Variants in ARHGAP28 observed in about 807,000 individuals in gnomAD.
ARHGAP28 encodes rho GTPase-activating protein 28.
A neutral mutation model predicts 90.7 loss-of-function variants in ARHGAP28; 56 were observed. That is an observed-to-expected ratio of 0.62 (90% confidence interval 0.50 to 0.77). The LOEUF is 0.77. ARHGAP28 is among the 30% of genes least tolerant of loss of function. The probability of loss-of-function intolerance (pLI) is 0.00; values close to 1 mark genes in which losing one functional copy is unlikely to be tolerated. For synonymous variants in ARHGAP28, 308 were observed against 323.3 expected (o/e 0.95, Z 0.51); for missense variants, 869 against 900.9 (o/e 0.96, Z 0.45).
At chr18:6,789,836 T>G (rs923049634) in intron 1 of ARHGAP28, 2 of 89,234 alleles carry the variant, frequency 2.2e-5, no homozygotes, top group African/African-American at 1.4e-4. Flanking sequence ...TGTTTTTTTG[T>G]TTTTTTTTTG....
chr18:6,909,385 CG>C (rs1367806869), intron 17 of ARHGAP28, among the ~76,000 whole-genome samples: 1 of 151,220 alleles, frequency 6.6e-6, no homozygotes, highest in African/African-American at 2.4e-5. Context: ...CTCCGCCTCC[CG>C]GGTTCAAGTG....
intron 1 of ARHGAP28, among the ~76,000 whole-genome samples, chr18:6,772,187 G>A (rs1238667600): frequency 5.9e-5 from 9 of 152,142 alleles, no homozygotes. Flanking sequence ...TTGTTTCAGT[G>A]AATTAATTCA....
chr18:6,903,760 C>T (rs1360012591), intron 16 of ARHGAP28, among the ~76,000 whole-genome samples: 1 of 129,694 alleles, frequency 7.7e-6, no homozygotes, highest in Non-Finnish European at 1.6e-5. Flanking sequence ...ACCCGGGAGG[C>T]GGAGGTTGCA....
rs2057076339 is a variant in ARHGAP28, at chr18:6,870,640, T to C, written c.862T>C (p.Phe288Leu). Residue 288 changes from phenylalanine to leucine, a missense_variant, in exon 7 of 18, where the codon TTT becomes CTT. Phe to Leu is a conservative substitution (Grantham distance 22). Transcript: ENST00000383472. Reference protein sequence around the residue: ...NIPPEAEELSFEVSYSEMVTE... With the variant: ...NIPPEAEELSLEVSYSEMVTE... ...TCCACCAGAGGCTGAAGAGCTGTCATTTGAAGTGTCTTATTCAGAAATGGT... is the reference window on the plus strand; with the variant it reads ...TCCACCAGAGGCTGAAGAGCTGTCACTTGAAGTGTCTTATTCAGAAATGGT... 9 of 1,612,972 alleles carry C rather than the reference T, an allele frequency of 5.6e-6. No individual in the cohort carries two copies. Among genetic ancestry groups the C allele is most frequent in the Non-Finnish European group, 7.6e-6 (9 of 1,179,302 alleles).
intron 1 of ARHGAP28, among the ~76,000 whole-genome samples, chr18:6,766,456 A>T (rs901004012): frequency 2.0e-5 from 3 of 152,180 alleles, no homozygotes; most frequent in Non-Finnish European, 4.4e-5. Context: ...CCACAGCCTC[A>T]GTTGCCACAC....
intron 17 of ARHGAP28, among the ~76,000 whole-genome samples, chr18:6,910,152 A>G (rs1351201008): frequency 2.6e-5 from 4 of 152,100 alleles, no homozygotes; most frequent in Non-Finnish European, 5.9e-5. Flanking sequence ...TGTTTTTAGA[A>G]CTGCCTGAGT....
intron 14 of ARHGAP28, among the ~76,000 whole-genome samples, chr18:6,893,894 T>C (rs1250385724): frequency 7.6e-6 from 1 of 131,864 alleles, no homozygotes; most frequent in Admixed American, 8.5e-5. Context: ...TGAGATAGAG[T>C]CTTGCTCTGT....
In ARHGAP28 at chr18:6,853,407, C is replaced by T. The variant is rs553710316; in HGVS notation, c.636+2281C>T. On this transcript the variant is annotated intron_variant, in intron 4 of 17. Coordinates refer to ENST00000383472, the MANE Select transcript of ARHGAP28 (RefSeq NM_001366230.1). ...TTCATCTGCATGATAAAACCTAGGT[C>T]TCCACAGCCCCTATCATAACTCAGA... Among the ~76,000 whole-genome samples, 29 of 152,180 alleles carry T rather than the reference C, an allele frequency of 1.9e-4. 1 individual carries two copies. The highest frequency in any genetic ancestry group is 7.0e-4 in the African/African-American group (29 of 41,542).
chr18:6,765,759 A>G (rs994067981), intron 1 of ARHGAP28, among the ~76,000 whole-genome samples: 10 of 152,092 alleles, frequency 6.6e-5, no homozygotes, highest in Non-Finnish European at 1.5e-4. Flanking sequence ...ATTGCTATAA[A>G]ATTCCCTCTG....
At chr18:6,880,529 G>C (rs1294416500) in intron 10 of ARHGAP28, among the ~76,000 whole-genome samples, 3 of 152,154 alleles carry the variant, frequency 2.0e-5, no homozygotes, top group East Asian at 1.9e-4. Flanking sequence ...GATGTTCCAG[G>C]CTGCCTCATT....
intron 2 of ARHGAP28, chr18:6,835,992 C>G (rs1173311221): frequency 6.6e-6 from 1 of 152,162 alleles, no homozygotes; most frequent in Non-Finnish European, 1.5e-5. Context: ...GATGGAGCTA[C>G]AGGGGATTTG....
intron 1 of ARHGAP28, among the ~76,000 whole-genome samples, chr18:6,811,549 A>G (rs953165436): frequency 1.3e-5 from 2 of 152,190 alleles, no homozygotes; most frequent in Non-Finnish European, 2.9e-5. Context: ...TTCTAAGTAC[A>G]GTAGACCTTA....
chr18:6,874,125 T>G (rs894193343), intron 9 of ARHGAP28, among the ~76,000 whole-genome samples: 4 of 152,256 alleles, frequency 2.6e-5, no homozygotes, highest in African/African-American at 9.6e-5. Flanking sequence ...TGCATTTGAT[T>G]ATTCTATCTA....
At chr18:6,790,017 C>T (rs2056395198) in intron 1 of ARHGAP28, 1 of 151,862 alleles carries the variant, frequency 6.6e-6, no homozygotes, top group Non-Finnish European at 1.5e-5. Flanking sequence ...TTACAAAACA[C>T]AAAGAGAGAC....
intron 4 of ARHGAP28, among the ~76,000 whole-genome samples, chr18:6,854,729 G>A (rs1398263880): frequency 1.3e-5 from 2 of 151,908 alleles, no homozygotes; most frequent in Admixed American, 1.3e-4. Flanking sequence ...GGAGTCCTGT[G>A]CTCCCAGGCA....
chr18:6,798,338 C>G (rs4505417), intron 1 of ARHGAP28, among the ~76,000 whole-genome samples: 37,865 of 151,940 alleles, frequency 0.25, 6,440 homozygotes, highest in African/African-American at 0.48. Context: ...GGATTACAAG[C>G]ACCTGCCACC....
intron 3 of ARHGAP28, among the ~76,000 whole-genome samples, chr18:6,839,250 C>T (rs571665750): frequency 1.3e-5 from 2 of 151,746 alleles, no homozygotes; most frequent in Non-Finnish European, 2.9e-5. Flanking sequence ...AGAAGCAGTA[C>T]TCAAATGCTT....
intron 9 of ARHGAP28, 86 bp from the exon 10 acceptor site, chr18:6,876,034 CTTGGTAACTTA>C: frequency 1.0e-6 from 1 of 994,550 alleles, no homozygotes; most frequent in South Asian, 1.4e-5. Flanking sequence ...TATATATATG[CTTGGTAACTTA>C]TTGATTCATG....
rs544308074 is a variant in ARHGAP28, at chr18:6,896,719, A to G, written c.2030+93A>G. 38 of 1,452,284 alleles carry G rather than the reference A, an allele frequency of 2.6e-5. No individual in the cohort carries two copies. In the South Asian group the frequency reaches 3.8e-4, roughly 14 times the overall value. 90.0% of individuals were successfully genotyped at this position (1,452,284 alleles called of 1,614,324 possible). On this transcript the variant is annotated intron_variant, in intron 16 of 17. Coordinates refer to ENST00000383472, the MANE Select transcript of ARHGAP28 (RefSeq NM_001366230.1). ...GGCATTTACAAATTTGACCTTTTGT[A>G]AAATATAGAACCTGTTGCTTTAGGG...
Sources: allele counts gnomAD v4.1 joint callset (sites outside exome capture counted in the v4.1 genomes callset), GRCh38; gene constraint gnomAD v4.1.1; transcripts MANE v1.5; gene names NCBI Gene and HGNC (gene_info 2026-07-23, HGNC 2026-07-21).